The following SCN9A variants were observed in gnomAD, a reference collection of about 807,000 sequenced individuals.
The protein encoded by SCN9A is sodium voltage-gated channel alpha subunit 9.
SCN9A carries 131 observed loss-of-function variants against 187.0 expected under a neutral mutation model. The observed-to-expected ratio is 0.70, with a 90% confidence interval of 0.61 to 0.81. The LOEUF is 0.81. SCN9A is among the 30% of genes least tolerant of loss of function. The probability of loss-of-function intolerance (pLI) is 0.00; values close to 1 mark genes in which losing one functional copy is unlikely to be tolerated. For synonymous variants in SCN9A, 809 were observed against 808.6 expected (o/e 1.00, Z -0.01); for missense variants, 2,252 against 2,396.6 (o/e 0.94, Z 1.26).
At position 166,284,629 on chromosome 2, in the gene SCN9A, T is replaced by C. The variant is rs1159152871; in HGVS notation, c.1798A>G (p.Ser600Gly). ...VPHRPQERRS[S>G]NISQASRSPP... is the part of the protein sequence containing the mutation. ...GACCTACTGGCTTGGCTGATGTTAC[T>C]GCTGCGTCGCTCCTGGGGTCTGTGG... Residue 600 changes from serine (S) to glycine (G), a missense_variant, in exon 12 of 27, where the codon AGT becomes GGT. Around this residue, in one of 7 missense-constraint regions of SCN9A, gnomAD observed 1,013 missense variants for 997.4 expected, o/e 1.02. Transcript: ENST00000642356. The C allele has an allele frequency of 6.2e-7, 1 of 1,614,018 alleles. No homozygotes were observed. Among genetic ancestry groups the C allele is most frequent in the Admixed American group, 1.7e-5 (1 of 60,020 alleles).
Position 166,305,922 on chromosome 2 carries a change from TA to T in SCN9A, c.468-3del, listed in dbSNP as rs1165247388. ...GTATATATTCCAGTAAAAGTGTACC[TA>T]AACACAAGATTCCATTGGGATACTA... On this transcript the variant is annotated splice_polypyrimidine_tract_variant and splice_region_variant and intron_variant, in intron 4 of 26. Coordinates refer to ENST00000642356, the MANE Select transcript of SCN9A (RefSeq NM_001365536.1). The T allele has an allele frequency of 1.2e-6, 2 of 1,612,618 alleles. No individual in the cohort carries two copies. Among genetic ancestry groups the T allele is most frequent in the East Asian group, 2.2e-5 (1 of 44,850 alleles).
At chr2:166,264,609 T>G (rs1696654275) in intron 17 of SCN9A, among the ~76,000 whole-genome samples, 1 of 152,000 alleles carries the variant, frequency 6.6e-6, no homozygotes, top group African/African-American at 2.4e-5. Context: ...AATATTTTGA[T>G]TTGATTCTGG....
chr2:166,242,924 A>G (rs1695632210), intron 18 of SCN9A, among the ~76,000 whole-genome samples: 1 of 152,044 alleles, frequency 6.6e-6, no homozygotes, highest in African/African-American at 2.4e-5. Flanking sequence ...AGTCTCCTCC[A>G]CAGTCTTTAA....
chr2:166,293,961 C>G (rs1698189957), intron 8 of SCN9A, among the ~76,000 whole-genome samples: 1 of 152,120 alleles, frequency 6.6e-6, no homozygotes, highest in African/African-American at 2.4e-5. Flanking sequence ...CTGGGAACAG[C>G]AACCTTATCC....
At chr2:166,338,003 G>T (rs116048770) in intron 1 of SCN9A, among the ~76,000 whole-genome samples, 2,377 of 152,140 alleles carry the variant, frequency 0.016, 59 homozygotes, top group African/African-American at 0.054. Flanking sequence ...AATAAGAAGA[G>T]GTCTATGGAC....
intron 1 of SCN9A, among the ~76,000 whole-genome samples, chr2:166,350,173 T>C (rs895649545): frequency 6.6e-6 from 1 of 152,174 alleles, no homozygotes; most frequent in African/African-American, 2.4e-5. Flanking sequence ...AAATTCCTTA[T>C]ACTACAAAAA....
At chr2:166,310,709 A>C (rs1698913765) in intron 2 of SCN9A, among the ~76,000 whole-genome samples, 6 of 130,478 alleles carry the variant, frequency 4.6e-5, no homozygotes, top group Non-Finnish European at 9.8e-5. Flanking sequence ...GGGATCTAGA[A>C]CTAGAAATAC....
rs533919054 is a variant in SCN9A at position 166,356,217 on chromosome 2, C to CAA, written c.-51+19478_-51+19479dup. ...CATCCACCTCCTCAGAGCTACTGTA[C>CAA]AACATTTTTTTATTTAGATTTTTGT... On this transcript the variant is annotated intron_variant, in intron 1 of 26. Transcript: ENST00000642356. Among the ~76,000 whole-genome samples the CAA allele has an allele frequency of 7.9e-5, 12 of 152,192 alleles. No homozygotes were observed. The East Asian group carries it at 1.9e-3, about 25-fold the overall frequency.
intron 5 of SCN9A, 144 bp downstream of exon 5, chr2:166,305,648 T>C: frequency 2.8e-6 from 3 of 1,079,162 alleles, no homozygotes; most frequent in Non-Finnish European, 4.1e-6. Context: ...TATCAATGAC[T>C]AGCTTTCATA....
chr2:166,319,432 C>G (rs572295505), intron 1 of SCN9A, among the ~76,000 whole-genome samples: 1 of 150,700 alleles, frequency 6.6e-6, no homozygotes, highest in African/African-American at 2.4e-5. Context: ...GAATTTGTTT[C>G]TTTAGAACGT....
At chr2:166,266,622 G>A (rs1696751076) in intron 17 of SCN9A, among the ~76,000 whole-genome samples, 1 of 150,380 alleles carries the variant, frequency 6.6e-6, no homozygotes, top group Non-Finnish European at 1.5e-5. Context: ...TTTTGATAGG[G>A]ATTGCATTAA....
chr2:166,241,806 C>T (rs769201710), intron 19 of SCN9A, among the ~76,000 whole-genome samples: 5 of 152,104 alleles, frequency 3.3e-5, no homozygotes, highest in Non-Finnish European at 7.4e-5. Context: ...TAAGAATAAA[C>T]AGTACCTGGA....
intron 24 of SCN9A, among the ~76,000 whole-genome samples, chr2:166,208,679 A>G (rs796153232): frequency 7.9e-5 from 12 of 152,184 alleles, no homozygotes; most frequent in African/African-American, 2.7e-4. Flanking sequence ...GAGGATGATG[A>G]ATAGTTGGAA....
At chr2:166,351,946 T>C (rs896166970) in intron 1 of SCN9A, among the ~76,000 whole-genome samples, 15 of 152,196 alleles carry the variant, frequency 9.9e-5, no homozygotes, top group Admixed American at 9.2e-4. Flanking sequence ...TAGTGTGATA[T>C]GTTTACTGTT....
rs574620443 is a variant in SCN9A at position 166,250,738 on chromosome 2, G to A, written c.3472+1027C>T. On this transcript the variant is annotated intron_variant, in intron 18 of 26. Coordinates refer to ENST00000642356, the MANE Select transcript of SCN9A (RefSeq NM_001365536.1). ...GTACTGTTACAAAACAAGAGACTAAGGCCAAATGTAAAGAACTTTACATGT... is the reference window on the plus strand; with the variant it reads ...GTACTGTTACAAAACAAGAGACTAAAGCCAAATGTAAAGAACTTTACATGT... 2.3e-4 allele frequency among the ~76,000 whole-genome samples: 35 copies of A among 152,192 alleles called. No individual in the cohort carries two copies. In the South Asian group the frequency reaches 7.0e-3, roughly 31 times the overall value.
At chr2:166,247,157 CAAA>C (rs35833662) in intron 18 of SCN9A, among the ~76,000 whole-genome samples, 3 of 41,836 alleles carry the variant, frequency 7.2e-5, no homozygotes, top group African/African-American at 3.3e-4. Flanking sequence ...CCAAAGCTCT[CAAA>C]AAAAAAAAAA....
chr2:166,235,892 C>T (rs568069913), intron 20 of SCN9A, among the ~76,000 whole-genome samples: 4 of 152,204 alleles, frequency 2.6e-5, no homozygotes, highest in African/African-American at 9.6e-5. Context: ...TGAGAATCAT[C>T]ACTTTAAATT....
chr2:166,319,900 T>C (rs538475444), intron 1 of SCN9A, among the ~76,000 whole-genome samples: 18 of 152,088 alleles, frequency 1.2e-4, no homozygotes, highest in Non-Finnish European at 2.2e-4. Flanking sequence ...GGCTAAAGTT[T>C]AAGTAACAAG....
Position 166,277,375 on chromosome 2 carries a change from T to C in SCN9A, c.2518-36A>G, listed in dbSNP as rs759487782. 13 of 1,394,264 alleles carry C rather than the reference T, an allele frequency of 9.3e-6. No individual in the cohort carries two copies. The Admixed American group carries it at 2.2e-4, about 23-fold the overall frequency. The allele number at this position is 1,394,264 out of a possible 1,614,324, so 86.4% of individuals were successfully genotyped here. A position where few individuals can be genotyped will look rare whatever the true frequency, so the allele number is the denominator to read the frequency against. ...ATATAAAGTTTAATGTTAATCACTA[T>C]GAAAATCTTTTCAATGTTTCCAATC... On this transcript the variant is annotated intron_variant, in intron 15 of 26. Transcript: ENST00000642356.
Sources: gnomAD v4.1 joint callset for allele counts (sites outside exome capture counted in the v4.1 genomes callset) on GRCh38, gnomAD v4.1.1 for gene constraint, gnomAD v4.1.1 regional missense constraint, MANE v1.5 for transcripts, NCBI Gene and HGNC (gene_info 2026-07-23, HGNC 2026-07-21) for gene names.